Variants in HDGFL2 observed in about 807,000 individuals in gnomAD.
HDGFL2 encodes the protein hepatoma-derived growth factor-related protein 2.
A neutral mutation model predicts 77.1 loss-of-function variants in HDGFL2; 36 were observed. That is an observed-to-expected ratio of 0.47 (90% CI 0.36 to 0.62). HDGFL2 has a LOEUF of 0.62. HDGFL2 is among the 20% of genes least tolerant of loss of function. The pLI, the probability that HDGFL2 is intolerant of heterozygous loss-of-function variation, is 0.00. For synonymous variants in HDGFL2, 463 were observed against 413.1 expected (o/e 1.12, Z -1.46); for missense variants, 976 against 973.4 (o/e 1.00, Z -0.04).
chr19:4,501,711 A>G (rs960114083), intron 15 of HDGFL2, 200 bp from the exon 16 acceptor site: 37 of 524,622 alleles, frequency 7.1e-5, no homozygotes, highest in South Asian at 4.5e-4. Flanking sequence ...GCCTTGTGCT[A>G]TGCCTGGCTG....
chr19:4,496,641 C>T lies in HDGFL2; in HGVS notation c.1328+236C>T, dbSNP rs575938365. 4.6e-5 allele frequency among the ~76,000 whole-genome samples: 7 copies of T among 152,238 alleles called. No homozygotes were observed. In the South Asian group the frequency reaches 6.2e-4, roughly 14 times the overall value. On this transcript the variant is annotated intron_variant, in intron 10 of 15. Transcript: ENST00000616600. ...GATCCCGCCTCCAGAGACACGGCCA[C>T]GTCCGGGGACATCTGTGGTTGTCAT...
intron 3 of HDGFL2, among the ~76,000 whole-genome samples, chr19:4,476,900 C>T (rs933129687): frequency 2.7e-4 from 40 of 150,542 alleles, no homozygotes; most frequent in Admixed American, 2.6e-3. Flanking sequence ...GGCTGGGGGC[C>T]GGGGTTAGTA....
intron 1 of HDGFL2, 28 bp downstream of exon 1, chr19:4,472,450 TGGGGG>T: frequency 2.9e-5 from 8 of 280,514 alleles, no homozygotes; most frequent in African/African-American, 4.7e-5. Context: ...ATGGGGCCGG[TGGGGG>T]GGGGGGGGGG....
chr19:4,476,016 A>G (rs1975063814), intron 3 of HDGFL2, among the ~76,000 whole-genome samples: 1 of 150,696 alleles, frequency 6.6e-6, no homozygotes, highest in African/African-American at 2.4e-5. Context: ...CAGCCTCCTG[A>G]GTAGCTGGGA....
At chr19:4,494,545 G>A (rs1360650755) in intron 9 of HDGFL2, 70 bp downstream of exon 9, 4 of 1,161,838 alleles carry the variant, frequency 3.4e-6, no homozygotes, top group Admixed American at 4.0e-5. Flanking sequence ...CTAGGTAGGA[G>A]GCAGTATCCC....
At chr19:4,472,752 C>G (rs1427977037) in intron 1 of HDGFL2, among the ~76,000 whole-genome samples, 1 of 149,398 alleles carries the variant, frequency 6.7e-6, no homozygotes, top group Non-Finnish European at 1.5e-5. Flanking sequence ...GAGCCGCGTT[C>G]TTGTGGTCTG....
chr19:4,498,467 C>A, intron 12 of HDGFL2, 91 bp downstream of exon 12: 1 of 1,051,190 alleles, frequency 9.5e-7, no homozygotes, highest in Non-Finnish European at 1.4e-6. Flanking sequence ...GAGGCAAAGC[C>A]GGGGTCCTGC....
intron 15 of HDGFL2, 82 bp downstream of exon 15, chr19:4,501,399 T>C (rs1975878932): frequency 2.0e-6 from 3 of 1,474,822 alleles, no homozygotes; most frequent in African/African-American, 1.4e-5. Flanking sequence ...GCTCCTCCTG[T>C]GCCAGTCCCT....
At position 4,494,343 on chromosome 19, in the gene HDGFL2, G is replaced by A. The variant is rs750928384; in HGVS notation, c.1092G>A (p.Arg364=). Residue 364 remains arginine, a synonymous_variant, in exon 9 of 16, where the codon CGG becomes CGA. Transcript: ENST00000616600. The stretch of plus-strand genomic sequence containing the variant: ...GGGCCGACCGCGGGGAGGCTGAGCG[G>A]GGCAGCGGCGGCAGCAGCGGGGACG... ...RERADRGEAE[R]GSGGSSGDEL... is the part of the protein sequence containing the mutation. The A allele has an allele frequency of 1.3e-4, 186 of 1,409,216 alleles. 1 individual carries two copies. The highest frequency in any genetic ancestry group is 1.7e-4 in the Non-Finnish European group (186 of 1,086,094). The allele number at this position is 1,409,216 out of a possible 1,614,324, so 87.3% of individuals were successfully genotyped here. A position where few individuals can be genotyped will look rare whatever the true frequency, so the allele number is the denominator to read the frequency against.
Position 4,488,812 on chromosome 19 carries a change from G to C in HDGFL2, c.425G>C (p.Ser142Thr). 1 of 1,551,818 alleles carries C rather than the reference G, an allele frequency of 6.4e-7. No individual in the cohort carries two copies. The change falls in exon 4 of 16, where the codon AGC becomes ACC. Residue 142 changes from serine (S) to threonine (T), a missense_variant. Ser to Thr is a moderately conservative substitution (Grantham distance 58). Around this residue, in one of 5 missense-constraint regions of HDGFL2, gnomAD observed 567 missense variants for 534.7 expected, o/e 1.06. Coordinates refer to ENST00000616600, the MANE Select transcript of HDGFL2 (RefSeq NM_001001520.3). ...ACAGCTGCCAGCGACAGGATGGAGA[G>C]CGACTCAGACTCAGACAAGAGTAGC... ...TATAASDRMESDSDSDKSSDN... is the reference protein window; with the variant it reads ...TATAASDRMETDSDSDKSSDN...
At chr19:4,501,362 G>C (rs757383558) in intron 15 of HDGFL2, 45 bp downstream of exon 15, 13 of 1,545,596 alleles carry the variant, frequency 8.4e-6, no homozygotes, top group Non-Finnish European at 1.1e-5. Context: ...AGCGGCAGCG[G>C]TGTGACGCGC....
Position 4,475,452 on chromosome 19 carries a change from C to G in HDGFL2, c.157C>G (p.Leu53Val), listed in dbSNP as rs1326195363. 4 of 1,613,720 alleles carry G rather than the reference C, an allele frequency of 2.5e-6. No individual in the cohort carries two copies. Among genetic ancestry groups the G allele is most frequent in the Non-Finnish European group, 3.4e-6 (4 of 1,179,912 alleles). ...CCCGTTTCCCTTCTCCAGAGCCTTC[C>G]TGGGACCCAAGGACCTGTTCCCCTA... ...FFFGTHETAF[L>V]GPKDLFPYDK... The change falls in exon 3 of 16, where the codon CTG (leucine) becomes GTG (valine). Residue 53 changes from leucine to valine, a missense_variant. This residue lies in a region of HDGFL2 where 103 missense variants were observed against 145.7 expected (regional missense o/e 0.71). Coordinates refer to ENST00000616600, the MANE Select transcript of HDGFL2 (RefSeq NM_001001520.3).
At position 4,501,222 on chromosome 19, in the gene HDGFL2, A is replaced by G. The variant is rs748305018; in HGVS notation, c.1821A>G (p.Thr607=). Residue 607 remains threonine (T), a synonymous_variant, in exon 15 of 16, where the codon ACA becomes ACG. Transcript: ENST00000616600. ...DLSAPVNGEA[T]SQKGESAEDK... is the part of the protein sequence containing the mutation. ...CAGCCCCAGTGAATGGCGAGGCCAC[A>G]TCACAGAAGGGGGAGAGCGCAGAGG... 3 of 1,613,694 alleles carry G rather than the reference A, an allele frequency of 1.9e-6. No individual in the cohort carries two copies. Among genetic ancestry groups the G allele is most frequent in the Non-Finnish European group, 2.5e-6 (3 of 1,179,960 alleles).
intron 3 of HDGFL2, among the ~76,000 whole-genome samples, chr19:4,482,401 G>C (rs1452411184): frequency 6.6e-6 from 1 of 151,892 alleles, no homozygotes; most frequent in African/African-American, 2.4e-5. Context: ...GTAGAGATGG[G>C]GTTTCACCAT....
intron 1 of HDGFL2, among the ~76,000 whole-genome samples, chr19:4,473,353 G>A (rs950272838): frequency 6.6e-5 from 10 of 151,442 alleles, no homozygotes; most frequent in African/African-American, 2.2e-4. Flanking sequence ...TGGCCCAGAG[G>A]GAGCCACGCC....
chr19:4,485,063 C>T (rs1216218030), intron 3 of HDGFL2, among the ~76,000 whole-genome samples: 2 of 152,118 alleles, frequency 1.3e-5, no homozygotes, highest in Non-Finnish European at 2.9e-5. Context: ...GCCTTGGCCT[C>T]CCAAAGTGCT....
chr19:4,501,293 G>T lies in HDGFL2; in HGVS notation c.1892G>T (p.Cys631Phe). The part of the protein sequence containing the change: ...EGRDSEEGPR[C>F]GSSEDLHDSV... ...CGGGACTCGGAGGAGGGGCCAAGGT[G>T]TGGCTCCTCTGAAGACCTGCACGAG... Residue 631 changes from cysteine (C) to phenylalanine (F), a missense_variant, in exon 15 of 16, where the codon TGT becomes TTT. This residue lies in a region of HDGFL2 where 229 missense variants were observed against 187.3 expected (regional missense o/e 1.22). Transcript: ENST00000616600. The T allele has an allele frequency of 6.2e-7, 1 of 1,608,588 alleles. No individual in the cohort carries two copies. Among genetic ancestry groups the T allele is most frequent in the Non-Finnish European group, 8.5e-7 (1 of 1,176,936 alleles).
rs1427778549 is a variant in HDGFL2 at position 4,494,077 on chromosome 19, T to G, written c.914+20T>G. ...TGACAGGTGGGTGCTGGGGCTGGGG[T>G]CCCCTCTGGCGGCTCCTCCATCGGC... On this transcript the variant is annotated intron_variant, in intron 8 of 15. Coordinates refer to ENST00000616600, the MANE Select transcript of HDGFL2 (RefSeq NM_001001520.3). 1 of 1,578,912 alleles carries G rather than the reference T, an allele frequency of 6.3e-7. No homozygotes were observed. The highest frequency in any genetic ancestry group is 8.6e-7 in the Non-Finnish European group (1 of 1,163,144).
intron 4 of HDGFL2, among the ~76,000 whole-genome samples, chr19:4,491,075 G>A (rs908321345): frequency 6.6e-6 from 1 of 152,152 alleles, no homozygotes; most frequent in African/African-American, 2.4e-5. Flanking sequence ...CTCCCAAAGT[G>A]CTGGGATTAC....
Sources: allele counts gnomAD v4.1 joint callset (sites outside exome capture counted in the v4.1 genomes callset), GRCh38; gene constraint gnomAD v4.1.1; regional missense constraint gnomAD v4.1.1; transcripts MANE v1.5; gene names NCBI Gene and HGNC (gene_info 2026-07-23, HGNC 2026-07-21).